FAM107B: variants seen among roughly 807,000 people sequenced by gnomAD.
FAM107B encodes the protein family with sequence similarity 107 member B, also known as protein FAM107B.
A neutral mutation model predicts 31.5 loss-of-function variants in FAM107B; 21 were observed. That is an observed-to-expected ratio of 0.67 (90% CI 0.47 to 0.96). The LOEUF (loss-of-function observed/expected upper bound fraction) is 0.96, where lower values mean the gene tolerates loss of function less well. Ranked by LOEUF, FAM107B falls within the 40% of genes least tolerant of loss-of-function variation. FAM107B has a pLI of 0.00. For synonymous variants in FAM107B, 157 were observed against 141.5 expected, an observed-to-expected ratio of 1.11 and a Z score of -0.78; for missense variants, 452 against 377.1, an observed-to-expected ratio of 1.20 and a Z score of -1.64.
At chr10:14,570,506 A>T (rs559562890) in intron 2 of FAM107B, among the ~76,000 whole-genome samples, 1 of 152,314 alleles carries the variant, frequency 6.6e-6, no homozygotes, top group Admixed American at 6.5e-5. Flanking sequence ...CCAAGGAATA[A>T]GAAGCAAATT....
chr10:14,667,767 C>A, intron 1 of FAM107B, 76 bp from the exon 2 acceptor site: 1 of 1,468,106 alleles, frequency 6.8e-7, no homozygotes, highest in Non-Finnish European at 9.5e-7. Flanking sequence ...ATACTTTTTG[C>A]AAGCCTACTA....
intron 1 of FAM107B, among the ~76,000 whole-genome samples, chr10:14,687,468 C>G (rs1276800535): frequency 6.6e-6 from 1 of 152,192 alleles, no homozygotes; most frequent in African/African-American, 2.4e-5. Context: ...AACCCAGGCA[C>G]TTGTGTGCAA....
At chr10:14,574,344 G>T (rs1035883354) in intron 2 of FAM107B, among the ~76,000 whole-genome samples, 44 of 152,150 alleles carry the variant, frequency 2.9e-4, no homozygotes, top group Non-Finnish European at 2.4e-4. Context: ...CCCTAGTTTT[G>T]TTGTTGTTTT....
chr10:14,571,281 G>A (rs1851203468), intron 2 of FAM107B, among the ~76,000 whole-genome samples: 1 of 152,064 alleles, frequency 6.6e-6, no homozygotes, highest in Non-Finnish European at 1.5e-5. Context: ...ATTTTTGGGG[G>A]TGACACACAC....
chr10:14,706,922 C>G (rs1427021470), intron 1 of FAM107B, among the ~76,000 whole-genome samples: 2 of 152,054 alleles, frequency 1.3e-5, no homozygotes, highest in Non-Finnish European at 2.9e-5. Context: ...GTCAGGAGAT[C>G]GAGACCACCC....
chr10:14,656,210 G>A (rs1208018763), intron 2 of FAM107B, among the ~76,000 whole-genome samples: 1 of 152,112 alleles, frequency 6.6e-6, no homozygotes. Flanking sequence ...AGGAAACACT[G>A]AGGAGTAGAG....
chr10:14,607,240 A>G (rs1445377771), intron 2 of FAM107B, among the ~76,000 whole-genome samples: 1 of 152,212 alleles, frequency 6.6e-6, no homozygotes, highest in Non-Finnish European at 1.5e-5. Context: ...TTTTAAACCA[A>G]AAACAAATAA....
At chr10:14,564,021 T>G (rs1426266890) in intron 2 of FAM107B, among the ~76,000 whole-genome samples, 5 of 152,230 alleles carry the variant, frequency 3.3e-5, no homozygotes, top group Non-Finnish European at 7.3e-5. Context: ...TATTAGTATG[T>G]AACAGGTTTA....
In FAM107B at chr10:14,759,221, T is replaced by TAAAA. The variant is rs1554756940; in HGVS notation, c.411+15028_411+15031dup. 1.5e-4 allele frequency among the ~76,000 whole-genome samples: 22 copies of TAAAA among 151,022 alleles called. No individual in the cohort carries two copies. In the East Asian group the frequency reaches 1.9e-3, roughly 13 times the overall value. The stretch of plus-strand genomic sequence containing the variant: ...ATAAATAAATAAATAAATAAATAAA[T>TAAAA]AAAAAGCAGCAAAGGTCTGGGCTGC... On this transcript the variant is annotated intron_variant, in intron 1 of 4. Transcript: ENST00000181796.
chr10:14,626,020 A>G (rs1462646109), intron 2 of FAM107B, among the ~76,000 whole-genome samples: 1 of 152,194 alleles, frequency 6.6e-6, no homozygotes, highest in African/African-American at 2.4e-5. Context: ...CATTAGAGCC[A>G]AGGGGAGGCT....
intron 2 of FAM107B, among the ~76,000 whole-genome samples, chr10:14,661,898 T>C (rs1471353770): frequency 6.6e-6 from 1 of 152,262 alleles, no homozygotes; most frequent in Non-Finnish European, 1.5e-5. Flanking sequence ...CTCGCTGACA[T>C]GCAGTTCTCT....
chr10:14,753,016 C>T (rs540766823), intron 1 of FAM107B, among the ~76,000 whole-genome samples: 19 of 152,166 alleles, frequency 1.2e-4, no homozygotes, highest in Non-Finnish European at 2.5e-4. Flanking sequence ...GTAATTTTAT[C>T]CACTAAGTAT....
At chr10:14,720,497 G>C (rs574767233) in intron 1 of FAM107B, among the ~76,000 whole-genome samples, 1 of 152,126 alleles carries the variant, frequency 6.6e-6, no homozygotes, top group African/African-American at 2.4e-5. Context: ...CAGGTTATCC[G>C]CCTGCCTCAG....
chr10:14,629,316 A>ATTT (rs1368554026), intron 2 of FAM107B, among the ~76,000 whole-genome samples: 2 of 78,326 alleles, frequency 2.6e-5, no homozygotes, highest in Non-Finnish European at 5.1e-5. Context: ...TAATATATAT[A>ATTT]ATATATAAAT....
At chr10:14,646,464 T>C (rs986094999) in intron 2 of FAM107B, among the ~76,000 whole-genome samples, 5 of 152,232 alleles carry the variant, frequency 3.3e-5, no homozygotes, top group Admixed American at 1.3e-4. Context: ...TCACTTAGGA[T>C]AATGGCCTCC....
chr10:14,683,308 G>T (rs1280639992), intron 1 of FAM107B, among the ~76,000 whole-genome samples: 2 of 152,216 alleles, frequency 1.3e-5, no homozygotes, highest in Admixed American at 6.5e-5. Flanking sequence ...GGTTAAGGAA[G>T]AGGATAGGTG....
chr10:14,652,363 A>T (rs1402789384), intron 2 of FAM107B, among the ~76,000 whole-genome samples: 1 of 152,162 alleles, frequency 6.6e-6, no homozygotes, highest in African/African-American at 2.4e-5. Context: ...CAACCCTCTC[A>T]CTATAGAGAG....
intron 1 of FAM107B, among the ~76,000 whole-genome samples, chr10:14,741,091 C>T (rs1856425993): frequency 1.3e-5 from 2 of 152,180 alleles, no homozygotes; most frequent in South Asian, 4.1e-4. Context: ...GGATGGGGCT[C>T]CCCATGGCTT....
At chr10:14,701,714 G>GA (rs768751378) in intron 1 of FAM107B, among the ~76,000 whole-genome samples, 3 of 146,292 alleles carry the variant, frequency 2.1e-5, no homozygotes, top group Admixed American at 2.0e-4. Flanking sequence ...GCAAAGAGTT[G>GA]TTTTTTTTTT....
Sources: allele counts gnomAD v4.1 joint callset (sites outside exome capture counted in the v4.1 genomes callset), GRCh38; gene constraint gnomAD v4.1.1; transcripts MANE v1.5; gene names NCBI Gene and HGNC (gene_info 2026-07-23, HGNC 2026-07-21).